ZFHX3: variants seen among roughly 807,000 people sequenced by gnomAD.
The protein encoded by ZFHX3 is zinc finger homeobox protein 3.
Under a neutral mutation model 279.1 loss-of-function variants are expected in ZFHX3, and 42 were observed. The ratio of observed to expected loss-of-function variants is 0.15; its 90% CI spans 0.12 to 0.19. The LOEUF (loss-of-function observed/expected upper bound fraction) is 0.19. Among genes scored for constraint, ZFHX3 ranks in the 10% least tolerant of loss-of-function variants. The probability of loss-of-function intolerance (pLI) is 1.00; values close to 1 mark genes in which losing one functional copy is unlikely to be tolerated. For missense variants in ZFHX3, 4,981 were observed against 4,754.0 expected, an observed-to-expected ratio of 1.05 and a Z score of -1.40; for synonymous variants, 2,293 against 1,957.8, an observed-to-expected ratio of 1.17 and a Z score of -4.52.
At chr16:73,619,370 C>T (rs1363169616) in intron 2 of ZFHX3, among the ~76,000 whole-genome samples, 1 of 151,658 alleles carries the variant, frequency 6.6e-6, no homozygotes, top group Admixed American at 6.6e-5. Flanking sequence ...CACCTATAGT[C>T]CCAGCTACTC....
intron 3 of ZFHX3, among the ~76,000 whole-genome samples, chr16:72,923,450 GA>G (rs34096322): frequency 0.26 from 22,484 of 86,036 alleles, 1,969 homozygotes; most frequent in Middle Eastern, 0.35. Flanking sequence ...TCTCAGACCA[GA>G]AAAAAAAAAA....
At chr16:73,749,122 C>G (rs572510329) in intron 1 of ZFHX3, among the ~76,000 whole-genome samples, 1 of 152,204 alleles carries the variant, frequency 6.6e-6, no homozygotes, top group East Asian at 1.9e-4. Context: ...AATCTTTCAG[C>G]CTTCCAAATA....
intron 1 of ZFHX3, among the ~76,000 whole-genome samples, chr16:73,737,660 T>C (rs1342669896): frequency 6.6e-6 from 1 of 152,018 alleles, no homozygotes; most frequent in East Asian, 1.9e-4. Context: ...TTTTAGTCAT[T>C]TCAATTTACT....
At chr16:72,942,395 CG>C (rs1427134040) in intron 3 of ZFHX3, among the ~76,000 whole-genome samples, 1 of 152,170 alleles carries the variant, frequency 6.6e-6, no homozygotes, top group African/African-American at 2.4e-5. Context: ...AAGAATTCCA[CG>C]GTGTGACTTA....
chr16:72,810,764 T>C lies in ZFHX3; in HGVS notation c.3864+813A>G, dbSNP rs776213645. ...CACTGAGAAACTCCCTACCCTAGAG[T>C]TGGAAATTGCGGGTTCAAATCTCAA... On this transcript the variant is annotated intron_variant, in intron 7 of 9. Transcript: ENST00000268489. Among the ~76,000 whole-genome samples the C allele has an allele frequency of 5.9e-5, 9 of 152,278 alleles. 1 individual carries two copies. The highest frequency in any genetic ancestry group is 5.9e-5 in the Non-Finnish European group (4 of 68,000).
chr16:72,787,070 A>T lies in ZFHX3; in HGVS notation c.*94T>A. ...TTTTTTTTTTTTGTTTTTTGGTTAG[A>T]AGCTTTGGAATTGCAGTTAGTCTAT... On this transcript the variant is annotated 3_prime_UTR_variant, in exon 10 of 10. Transcript: ENST00000268489. 7 of 1,119,978 alleles carry T rather than the reference A, an allele frequency of 6.3e-6. No homozygotes were observed. The highest frequency in any genetic ancestry group is 1.7e-5 in the African/African-American group (1 of 59,148). 69.4% of individuals were successfully genotyped at this position (1,119,978 alleles called of 1,614,324 possible). A position where few individuals can be genotyped will look rare whatever the true frequency, so the allele number is the denominator to read the frequency against.
intron 1 of ZFHX3, among the ~76,000 whole-genome samples, chr16:73,036,655 G>T (rs1016053229): frequency 1.3e-5 from 2 of 151,830 alleles, no homozygotes; most frequent in East Asian, 1.9e-4. Flanking sequence ...AGGGAGGAGG[G>T]GGACTGGGTG....
intron 1 of ZFHX3, among the ~76,000 whole-genome samples, chr16:73,017,929 C>T (rs540132374): frequency 1.3e-5 from 2 of 152,158 alleles, no homozygotes; most frequent in South Asian, 4.2e-4. Flanking sequence ...TGATTTCCTC[C>T]TTTTGGATGA....
At chr16:72,969,026 G>A (rs1418077045) in intron 1 of ZFHX3, among the ~76,000 whole-genome samples, 1 of 152,108 alleles carries the variant, frequency 6.6e-6, no homozygotes, top group African/African-American at 2.4e-5. Flanking sequence ...GAGGAGTCTA[G>A]AAGGAGGACA....
chr16:72,910,700 C>T (rs1279963987), intron 3 of ZFHX3, among the ~76,000 whole-genome samples: 1 of 152,118 alleles, frequency 6.6e-6, no homozygotes, highest in African/African-American at 2.4e-5. Flanking sequence ...AGCTTCATAA[C>T]CCTCGGGAGT....
chr16:73,572,700 G>A (rs1723661996), intron 2 of ZFHX3, among the ~76,000 whole-genome samples: 1 of 152,330 alleles, frequency 6.6e-6, no homozygotes, highest in Non-Finnish European at 1.5e-5. Flanking sequence ...GATGCCTTGT[G>A]CCTGGCTTGT....
chr16:72,881,706 T>G (rs1226042059), intron 4 of ZFHX3, among the ~76,000 whole-genome samples: 1 of 152,172 alleles, frequency 6.6e-6, no homozygotes, highest in African/African-American at 2.4e-5. Flanking sequence ...GGGAGGGGTC[T>G]GCACACATGG....
chr16:73,328,177 T>A (rs897599001), intron 3 of ZFHX3, among the ~76,000 whole-genome samples: 4 of 152,314 alleles, frequency 2.6e-5, no homozygotes, highest in Admixed American at 2.6e-4. Flanking sequence ...CTTGGATCCA[T>A]CTGTAGTGCG....
At chr16:72,871,173 T>G (rs1351086230) in intron 4 of ZFHX3, among the ~76,000 whole-genome samples, 2 of 152,074 alleles carry the variant, frequency 1.3e-5, no homozygotes, top group East Asian at 3.8e-4. Context: ...TATCAACATT[T>G]TATTTATTTA....
rs537271405 is a variant in ZFHX3, at chr16:73,476,813, G to C, written c.-1546-20555C>G. Among the ~76,000 whole-genome samples, 39 of 152,310 alleles carry C rather than the reference G, an allele frequency of 2.6e-4. 2 individuals carry two copies. In the South Asian group the frequency reaches 7.9e-3, roughly 31 times the overall value. On this transcript the variant is annotated intron_variant, in intron 2 of 17. Coordinates refer to the ZFHX3 transcript ENST00000641206. ...TTCATTAAAAAATGGAGTATTACTA[G>C]TATTAACAATAAGTCAGATGTTTCA...
intron 4 of ZFHX3, among the ~76,000 whole-genome samples, chr16:72,856,237 C>T (rs868781109): frequency 6.6e-6 from 1 of 152,220 alleles, no homozygotes; most frequent in African/African-American, 2.4e-5. Flanking sequence ...GCTCCCCTGC[C>T]ATGTTCTAGA....
chr16:73,511,916 C>A (rs1172585998), intron 2 of ZFHX3, among the ~76,000 whole-genome samples: 1 of 152,162 alleles, frequency 6.6e-6, no homozygotes, highest in African/African-American at 2.4e-5. Context: ...CCTCCCCTCA[C>A]CTAGACTCAC....
chr16:73,683,673 C>T (rs1021737851), intron 1 of ZFHX3, among the ~76,000 whole-genome samples: 3 of 151,942 alleles, frequency 2.0e-5, no homozygotes, highest in African/African-American at 4.8e-5. Flanking sequence ...TCCTGAGTAG[C>T]GGGGATTACA....
chr16:73,450,129 C>A (rs1344144942), intron 3 of ZFHX3, among the ~76,000 whole-genome samples: 2 of 152,158 alleles, frequency 1.3e-5, no homozygotes, highest in African/African-American at 4.8e-5. Flanking sequence ...TCTATCACCA[C>A]CTATAGTTAC....
Sources: gnomAD v4.1 joint callset for allele counts (sites outside exome capture counted in the v4.1 genomes callset) on GRCh38, gnomAD v4.1.1 for gene constraint, MANE v1.5 for transcripts, NCBI Gene and HGNC (gene_info 2026-07-23, HGNC 2026-07-21) for gene names.